The following EYA1 variants were observed in gnomAD, a reference collection of about 807,000 sequenced individuals.
The protein encoded by EYA1 is EYA transcriptional coactivator and phosphatase 1.
Under a neutral mutation model 82.0 loss-of-function variants are expected in EYA1, and 16 were observed. That is an observed-to-expected ratio of 0.20 (90% CI 0.13 to 0.30). EYA1 has a LOEUF of 0.30. EYA1 is among the 10% of genes least tolerant of loss of function. EYA1 has a pLI of 1.00. For synonymous variants in EYA1, 261 were observed against 264.4 expected (o/e 0.99, Z 0.12); for missense variants, 633 against 730.7 (o/e 0.87, Z 1.54).
At chr8:71,436,588 G>T (rs183406793) in intron 2 of EYA1, among the ~76,000 whole-genome samples, 1 of 152,228 alleles carries the variant, frequency 6.6e-6, no homozygotes, top group Admixed American at 6.5e-5. Context: ...AGCGGACTGC[G>T]CCTCTCCGCT....
intron 12 of EYA1, among the ~76,000 whole-genome samples, chr8:71,242,998 G>C (rs1052604060): frequency 6.6e-6 from 1 of 151,782 alleles, no homozygotes; most frequent in Non-Finnish European, 1.5e-5. Context: ...GGATGGTCTC[G>C]AACTCCCAAC....
intron 2 of EYA1, among the ~76,000 whole-genome samples, chr8:71,480,816 T>A (rs551526181): frequency 6.6e-5 from 10 of 152,320 alleles, no homozygotes; most frequent in African/African-American, 2.4e-4. Context: ...CAAATATCAA[T>A]TATTTATATC....
intron 2 of EYA1, among the ~76,000 whole-genome samples, chr8:71,411,678 G>A (rs929957609): frequency 1.6e-3 from 235 of 150,240 alleles, no homozygotes; most frequent in Non-Finnish European, 2.9e-3. Context: ...ACCACTATGA[G>A]ATATCATCTC....
chr8:71,226,224 T>C (rs1032411848), intron 12 of EYA1, among the ~76,000 whole-genome samples: 13 of 152,158 alleles, frequency 8.5e-5, no homozygotes, highest in Non-Finnish European at 2.9e-5. Flanking sequence ...AGTTTTGATA[T>C]TTTCTTATAA....
At chr8:71,267,634 C>T (rs538621052) in intron 11 of EYA1, among the ~76,000 whole-genome samples, 6 of 152,146 alleles carry the variant, frequency 3.9e-5, no homozygotes, top group Admixed American at 1.3e-4. Context: ...CTGCAAGCTC[C>T]GCCTCCCAGG....
At chr8:71,514,420 A>G (rs904377882) in intron 2 of EYA1, among the ~76,000 whole-genome samples, 1 of 152,146 alleles carries the variant, frequency 6.6e-6, no homozygotes, top group Admixed American at 6.6e-5. Context: ...ATGCATCAAG[A>G]AAAGTCTGGA....
chr8:71,508,378 A>C (rs1488369636), intron 2 of EYA1, among the ~76,000 whole-genome samples: 1 of 152,106 alleles, frequency 6.6e-6, no homozygotes, highest in African/African-American at 2.4e-5. Context: ...GGTTCAAGAG[A>C]TCCTCCCACC....
At chr8:71,302,036 C>T (rs1415865376) in intron 7 of EYA1, among the ~76,000 whole-genome samples, 1 of 151,592 alleles carries the variant, frequency 6.6e-6, no homozygotes, top group Non-Finnish European at 1.5e-5. Flanking sequence ...TTTAAAAATG[C>T]CTTGTAAAAG....
At chr8:71,406,654 C>T (rs1223376190) in intron 2 of EYA1, among the ~76,000 whole-genome samples, 1 of 152,196 alleles carries the variant, frequency 6.6e-6, no homozygotes, top group African/African-American at 2.4e-5. Flanking sequence ...CCGAATATTG[C>T]GCTTTTCAGA....
At chr8:71,406,559 T>A (rs1830240241) in intron 2 of EYA1, among the ~76,000 whole-genome samples, 1 of 152,140 alleles carries the variant, frequency 6.6e-6, no homozygotes, top group Non-Finnish European at 1.5e-5. Context: ...TTGCCTCCCT[T>A]GGGAAGCACA....
At chr8:71,230,847 A>C (rs930732922) in intron 12 of EYA1, among the ~76,000 whole-genome samples, 5 of 152,216 alleles carry the variant, frequency 3.3e-5, no homozygotes, top group African/African-American at 1.2e-4. Context: ...TTCTAAACTA[A>C]GACATAACTC....
At chr8:71,454,598 A>T (rs1190078897) in intron 2 of EYA1, among the ~76,000 whole-genome samples, 1 of 152,186 alleles carries the variant, frequency 6.6e-6, no homozygotes, top group Non-Finnish European at 1.5e-5. Context: ...TCAAACTAGA[A>T]CTCAGGGTTA....
upstream of EYA1, among the ~76,000 whole-genome samples, chr8:71,366,619 C>T (rs1447134511): frequency 3.3e-5 from 5 of 152,160 alleles, no homozygotes; most frequent in African/African-American, 1.2e-4. Context: ...TCTTCGGAAA[C>T]AATGAATAGC....
chr8:71,271,035 G>A (rs936935756), intron 10 of EYA1, among the ~76,000 whole-genome samples: 3 of 152,080 alleles, frequency 2.0e-5, no homozygotes, highest in Non-Finnish European at 2.9e-5. Flanking sequence ...CGCTTGAACC[G>A]GGAGGCAGAG....
Position 71,198,221 on chromosome 8 carries a change from T to C in EYA1, c.*1119A>G, listed in dbSNP as rs1437050164. 1 of 152,632 alleles carries C rather than the reference T, an allele frequency of 6.6e-6. No individual in the cohort carries two copies. Among genetic ancestry groups the C allele is most frequent in the Non-Finnish European group, 1.5e-5 (1 of 68,048 alleles). The allele number at this position is 152,632 out of a possible 1,614,324, so 9.5% of individuals were successfully genotyped here. A position where few individuals can be genotyped will look rare whatever the true frequency, so the allele number is the denominator to read the frequency against. Reference sequence around the variant, plus strand: ...TCTATATTCTTTGTGGGAAGAAGCATTTGAATAATTATTTTTTCCAAGTAG... The same window carrying C: ...TCTATATTCTTTGTGGGAAGAAGCACTTGAATAATTATTTTTTCCAAGTAG... On this transcript the variant is annotated 3_prime_UTR_variant, in exon 18 of 18. Coordinates refer to ENST00000340726, the MANE Select transcript of EYA1 (RefSeq NM_000503.6).
At chr8:71,232,902 C>T (rs1455150186) in intron 12 of EYA1, among the ~76,000 whole-genome samples, 2 of 152,112 alleles carry the variant, frequency 1.3e-5, no homozygotes, top group Non-Finnish European at 2.9e-5. Flanking sequence ...GTGCTTCCTG[C>T]GAGCCAGTGC....
At chr8:71,262,294 C>A (rs750189266) in intron 11 of EYA1, among the ~76,000 whole-genome samples, 1 of 152,166 alleles carries the variant, frequency 6.6e-6, no homozygotes, top group African/African-American at 2.4e-5. Context: ...CAAGTCTAAT[C>A]CCCTAAATAT....
chr8:71,336,167 T>C (rs1824462107), intron 3 of EYA1, among the ~76,000 whole-genome samples: 1 of 152,160 alleles, frequency 6.6e-6, no homozygotes, highest in Admixed American at 6.5e-5. Context: ...TGGGATGTTT[T>C]TGACTCCAAG....
At chr8:71,244,454 C>A in intron 12 of EYA1, 149 bp downstream of exon 12, 1 of 552,158 alleles carries the variant, frequency 1.8e-6, no homozygotes. Context: ...AATAGAAATC[C>A]CATAAAGGCA....
Sources: gnomAD v4.1 joint callset for allele counts (sites outside exome capture counted in the v4.1 genomes callset) on GRCh38, gnomAD v4.1.1 for gene constraint, MANE v1.5 for transcripts, NCBI Gene and HGNC (gene_info 2026-07-23, HGNC 2026-07-21) for gene names.